The following ST18 variants were observed in gnomAD, a reference collection of about 807,000 sequenced individuals.
ST18 encodes ST18 C2H2C-type zinc finger transcription factor.
A neutral mutation model predicts 110.0 loss-of-function variants in ST18; 50 were observed. That is an observed-to-expected ratio of 0.45 (90% confidence interval 0.36 to 0.58). The LOEUF (loss-of-function observed/expected upper bound fraction) is 0.58. ST18 is among the 20% of genes least tolerant of loss of function. ST18 has a pLI of 0.00. For missense variants in ST18, 1,306 were observed against 1,280.1 expected, an observed-to-expected ratio of 1.02 and a Z score of -0.31; for synonymous variants, 461 against 452.4, an observed-to-expected ratio of 1.02 and a Z score of -0.24.
chr8:52,398,523 A>G (rs766605480), intron 2 of ST18, among the ~76,000 whole-genome samples: 6 of 152,148 alleles, frequency 3.9e-5, no homozygotes, highest in Non-Finnish European at 7.4e-5. Context: ...GTTGCTCACC[A>G]TTGATCATGA....
At chr8:52,249,180 A>T (rs897421069) in intron 2 of ST18, among the ~76,000 whole-genome samples, 1 of 152,178 alleles carries the variant, frequency 6.6e-6, no homozygotes, top group African/African-American at 2.4e-5. Flanking sequence ...TTGAAACAGC[A>T]AAACAAAACA....
chr8:52,295,939 G>C (rs993194351), intron 2 of ST18, among the ~76,000 whole-genome samples: 1 of 151,910 alleles, frequency 6.6e-6, no homozygotes, highest in Non-Finnish European at 1.5e-5. Flanking sequence ...AACAGAACAG[G>C]GGAGCAGCTG....
Position 52,197,524 on chromosome 8 carries a change from G to A in ST18, c.86+14555C>T, listed in dbSNP as rs149757283. 6.0e-4 allele frequency among the ~76,000 whole-genome samples: 92 copies of A among 152,290 alleles called. 1 individual carries two copies. Among genetic ancestry groups the A allele is most frequent in the Non-Finnish European group, 1.1e-3 (77 of 68,022 alleles). On this transcript the variant is annotated intron_variant, in intron 8 of 25. Transcript: ENST00000689386. ...ACCAGGGCCACATATGTAAAATTGA[G>A]TTAATTTAGGAGGGCTTTAAGTGAA...
chr8:52,192,634 C>T (rs981415830), intron 8 of ST18, among the ~76,000 whole-genome samples: 8 of 152,152 alleles, frequency 5.3e-5, no homozygotes, highest in Non-Finnish European at 1.2e-4. Flanking sequence ...AAAATCATTA[C>T]AGAATGTGAT....
intron 2 of ST18, among the ~76,000 whole-genome samples, chr8:52,246,904 C>T (rs1005641013): frequency 6.6e-6 from 1 of 152,118 alleles, no homozygotes; most frequent in Non-Finnish European, 1.5e-5. Context: ...GAAACCGAGG[C>T]GCAGAAAAGT....
intron 2 of ST18, among the ~76,000 whole-genome samples, chr8:52,251,144 A>C (rs1248009287): frequency 6.6e-6 from 1 of 152,124 alleles, no homozygotes. Flanking sequence ...AAAAACGGAG[A>C]TTGGAGCAAC....
intron 2 of ST18, among the ~76,000 whole-genome samples, chr8:52,290,106 A>G (rs2095532810): frequency 6.6e-6 from 1 of 152,108 alleles, no homozygotes; most frequent in South Asian, 2.1e-4. Context: ...CTCCTCACAT[A>G]GAGACCATCT....
intron 8 of ST18, among the ~76,000 whole-genome samples, chr8:52,181,981 T>C (rs2069838198): frequency 1.3e-5 from 2 of 152,024 alleles, no homozygotes; most frequent in Non-Finnish European, 2.9e-5. Flanking sequence ...AATAACTGTG[T>C]CAGTGTAGGA....
At chr8:52,284,056 C>T (rs1031818289) in intron 2 of ST18, among the ~76,000 whole-genome samples, 1 of 152,048 alleles carries the variant, frequency 6.6e-6, no homozygotes, top group Non-Finnish European at 1.5e-5. Context: ...GGTACAAATG[C>T]AATGAGGCAA....
intron 2 of ST18, among the ~76,000 whole-genome samples, chr8:52,270,911 G>GTTTTT (rs562488412): frequency 6.9e-6 from 1 of 144,720 alleles, no homozygotes; most frequent in Admixed American, 6.9e-5. Context: ...TATAAGTTTT[G>GTTTTT]TTTTTTTTTT....
chr8:52,154,508 G>A (rs2059554102), intron 15 of ST18: 1 of 152,198 alleles, frequency 6.6e-6, no homozygotes, highest in Non-Finnish European at 1.5e-5. Context: ...GGTGATCAGG[G>A]TGGGAGGAGG....
intron 2 of ST18, chr8:52,296,605 CT>C (rs1465533559): frequency 6.6e-6 from 1 of 152,188 alleles, no homozygotes; most frequent in Non-Finnish European, 1.5e-5. Context: ...TGTAACTCAG[CT>C]TCCTTATCTC....
At chr8:52,140,502 C>A (rs971647591) in intron 17 of ST18, among the ~76,000 whole-genome samples, 1 of 151,618 alleles carries the variant, frequency 6.6e-6, no homozygotes. Context: ...CCAGCCTGGG[C>A]AACAGAGCGG....
intron 2 of ST18, among the ~76,000 whole-genome samples, chr8:52,395,576 G>C (rs961731298): frequency 3.9e-5 from 6 of 152,292 alleles, no homozygotes; most frequent in Middle Eastern, 3.4e-3. Context: ...CGGTTAGAGA[G>C]AGGCCAAATT....
intron 4 of ST18, among the ~76,000 whole-genome samples, chr8:52,221,089 AT>A (rs2086492667): frequency 4.5e-4 from 2 of 4,436 alleles, no homozygotes; most frequent in Non-Finnish European, 1.2e-3. Flanking sequence ...ACCTATCTCT[AT>A]CTATCTATCT....
intron 2 of ST18, among the ~76,000 whole-genome samples, chr8:52,236,622 A>C (rs1589078873): frequency 1.3e-5 from 2 of 151,960 alleles, no homozygotes; most frequent in South Asian, 2.1e-4. Context: ...AAAAAAAAAA[A>C]AAAAAAAACT....
At position 52,267,605 on chromosome 8, in the gene ST18, T is replaced by TG. The variant is rs1241073354; in HGVS notation, c.-464-37529dup. 2.5e-4 allele frequency among the ~76,000 whole-genome samples: 38 copies of TG among 151,834 alleles called. 1 individual carries two copies. On this transcript the variant is annotated intron_variant, in intron 2 of 25. Transcript: ENST00000689386. ...CATCTCCAAGAGCTTTAGCATTGAA[T>TG]GGGGAAAATATATACCTATTCTTAG...
At chr8:52,178,729 A>C (rs1325113318) in intron 9 of ST18, among the ~76,000 whole-genome samples, 1 of 151,854 alleles carries the variant, frequency 6.6e-6, no homozygotes, top group Non-Finnish European at 1.5e-5. Flanking sequence ...CAGTTCAAGG[A>C]AACAAAAAAA....
chr8:52,351,943 C>T (rs566479996), intron 2 of ST18, among the ~76,000 whole-genome samples: 1 of 152,156 alleles, frequency 6.6e-6, no homozygotes, highest in Non-Finnish European at 1.5e-5. Context: ...GTGTGTTAAA[C>T]ACTGGAATCA....
Sources: gnomAD v4.1 joint callset for allele counts (sites outside exome capture counted in the v4.1 genomes callset) on GRCh38, gnomAD v4.1.1 for gene constraint, MANE v1.5 for transcripts, NCBI Gene and HGNC (gene_info 2026-07-23, HGNC 2026-07-21) for gene names.